The following WDPCP variants were observed in gnomAD, a reference collection of about 807,000 sequenced individuals.
The protein encoded by WDPCP is WD repeat-containing and planar cell polarity effector protein fritz homolog.
WDPCP carries 71 observed loss-of-function variants against 93.1 expected under a neutral mutation model. The observed-to-expected ratio is 0.76, with a 90% CI of 0.63 to 0.93. The LOEUF is 0.93. Ranked by LOEUF, WDPCP falls within the 40% of genes least tolerant of loss-of-function variation. The probability of loss-of-function intolerance (pLI) is 0.00; values close to 1 mark genes in which losing one functional copy is unlikely to be tolerated. For missense variants in WDPCP, 844 were observed against 887.4 expected, an observed-to-expected ratio of 0.95 and a Z score of 0.62; for synonymous variants, 315 against 315.0, an observed-to-expected ratio of 1.00 and a Z score of 0.00.
At chr2:63,183,490 A>T (rs1674397082) in intron 14 of WDPCP, among the ~76,000 whole-genome samples, 1 of 152,088 alleles carries the variant, frequency 6.6e-6, no homozygotes, top group South Asian at 2.1e-4. Context: ...GGTCTGAGAA[A>T]ATACTTGGTA....
chr2:63,797,887 A>G (rs1670639171), intron 2 of WDPCP, among the ~76,000 whole-genome samples: 1 of 152,132 alleles, frequency 6.6e-6, no homozygotes, highest in African/African-American at 2.4e-5. Context: ...TTAATACTCA[A>G]ACTGCCAAAG....
At chr2:63,180,731 T>A (rs1559179490) in intron 14 of WDPCP, among the ~76,000 whole-genome samples, 1 of 152,138 alleles carries the variant, frequency 6.6e-6, no homozygotes, top group Non-Finnish European at 1.5e-5. Flanking sequence ...GGCAGTTCTA[T>A]TTGCAGTTCT....
chr2:63,668,909 A>C (rs772582551), intron 2 of WDPCP, among the ~76,000 whole-genome samples: 5 of 152,188 alleles, frequency 3.3e-5, no homozygotes, highest in African/African-American at 4.8e-5. Flanking sequence ...AATTTTAGGG[A>C]CACTAAATTG....
At chr2:63,389,047 C>G (rs1692990110) in intron 10 of WDPCP, among the ~76,000 whole-genome samples, 2 of 151,978 alleles carry the variant, frequency 1.3e-5, no homozygotes, top group South Asian at 4.1e-4. Context: ...AAATACAGAA[C>G]ACACCACAAA....
intron 1 of WDPCP, among the ~76,000 whole-genome samples, chr2:63,552,205 T>C (rs1437454283): frequency 6.6e-6 from 1 of 150,614 alleles, no homozygotes; most frequent in East Asian, 1.9e-4. Flanking sequence ...CAATATTTAC[T>C]CTGTATTTGG....
intron 12 of WDPCP, among the ~76,000 whole-genome samples, chr2:63,364,197 C>T (rs901941524): frequency 1.2e-4 from 18 of 152,088 alleles, no homozygotes; most frequent in African/African-American, 4.3e-4. Flanking sequence ...TTACATTCAT[C>T]GTTAAGCAGT....
intron 6 of WDPCP, among the ~76,000 whole-genome samples, chr2:63,465,914 G>A (rs750415306): frequency 7.9e-5 from 12 of 152,096 alleles, no homozygotes; most frequent in South Asian, 2.1e-4. Context: ...TTGTATCTTC[G>A]ACAGTAGTCT....
chr2:63,694,530 G>C (rs773413845), intron 2 of WDPCP, among the ~76,000 whole-genome samples: 1 of 152,022 alleles, frequency 6.6e-6, no homozygotes, highest in Non-Finnish European at 1.5e-5. Context: ...TCACAATTTA[G>C]GAGCCTTTTC....
chr2:63,404,320 C>T lies in WDPCP; in HGVS notation c.1163G>A (p.Ser388Asn), dbSNP rs780625068. The T allele has an allele frequency of 1.2e-5, 19 of 1,614,034 alleles. No homozygotes were observed. The highest frequency in any genetic ancestry group is 1.0e-4 in the Admixed American group (6 of 59,984). ...GCTGCCAACTAGCAGAATGGCACCA[C>T]TTGGGTGGCAGCTTATTAATGAAGG... is the stretch of plus-strand genomic sequence containing the variant. ...LLPSLISCHP[S>N]GAILLVGSNQ... The change falls in exon 10 of 18, where the codon AGT becomes AAT. Residue 388 changes from serine (S) to asparagine (N), a missense_variant. Coordinates refer to ENST00000272321, the MANE Select transcript of WDPCP (RefSeq NM_015910.7).
intron 2 of WDPCP, chr2:63,717,215 C>T (rs767055366): frequency 1.0e-5 from 5 of 490,346 alleles, no homozygotes; most frequent in South Asian, 1.7e-5. Context: ...GCTTCCTCCA[C>T]GAATTTGAAA....
Position 63,740,655 on chromosome 2 carries a change from G to T in WDPCP, n.308+72967C>A, listed in dbSNP as rs996692953. On this transcript the variant is annotated intron_variant and non_coding_transcript_variant, in intron 2 of 4. Coordinates refer to the WDPCP transcript ENST00000467687. ...GTGTTTGCAGCTGTAATCTAAATGT[G>T]TAACCAACATTACTTTGCATTTGGT... 2.6e-5 allele frequency among the ~76,000 whole-genome samples: 4 copies of T among 152,124 alleles called. No homozygotes were observed. The East Asian group carries it at 7.7e-4, about 29-fold the overall frequency.
At position 63,257,996 on chromosome 2, in the gene WDPCP, G is replaced by A. The variant is rs547609666; in HGVS notation, c.1915+1311C>T. Reference sequence around the variant, plus strand: ...GGAGGATATTTCCCCATCATATAACGTCATCATTCCTATAAACATGGTATG... The same window carrying A: ...GGAGGATATTTCCCCATCATATAACATCATCATTCCTATAAACATGGTATG... On this transcript the variant is annotated intron_variant, in intron 14 of 17. Coordinates refer to ENST00000272321, the MANE Select transcript of WDPCP (RefSeq NM_015910.7). 2.0e-5 allele frequency among the ~76,000 whole-genome samples: 3 copies of A among 152,166 alleles called. No homozygotes were observed. The East Asian group carries it at 5.8e-4, about 29-fold the overall frequency.
chr2:63,250,995 A>G (rs1222984187), intron 14 of WDPCP, among the ~76,000 whole-genome samples: 1 of 152,168 alleles, frequency 6.6e-6, no homozygotes, highest in Non-Finnish European at 1.5e-5. Context: ...AGTTTATAGA[A>G]CTAAACGCCT....
intron 2 of WDPCP, among the ~76,000 whole-genome samples, chr2:63,781,013 G>T (rs1398718048): frequency 6.6e-6 from 1 of 152,150 alleles, no homozygotes; most frequent in Non-Finnish European, 1.5e-5. Flanking sequence ...AGCACAGTTA[G>T]AATTGAGCCA....
At chr2:63,507,171 T>C (rs191736088) in intron 1 of WDPCP, among the ~76,000 whole-genome samples, 2 of 151,940 alleles carry the variant, frequency 1.3e-5, no homozygotes, top group East Asian at 3.9e-4. Flanking sequence ...ATACAATGAA[T>C]TACAAAAGAT....
At chr2:63,351,641 G>T (rs1607206) in intron 12 of WDPCP, among the ~76,000 whole-genome samples, 121,842 of 152,156 alleles carry the variant, frequency 0.8, 49,651 homozygotes, top group East Asian at 0.96. Flanking sequence ...ATGGTATACA[G>T]GTACCACATT....
intron 3 of WDPCP, among the ~76,000 whole-genome samples, chr2:63,613,857 C>T (rs566980938): frequency 8.3e-4 from 127 of 152,278 alleles, no homozygotes; most frequent in South Asian, 1.5e-3. Context: ...AGGAAAACTT[C>T]TTTCAAAAGA....
At chr2:63,135,757 G>T (rs1670573142) in intron 17 of WDPCP, among the ~76,000 whole-genome samples, 1 of 149,040 alleles carries the variant, frequency 6.7e-6, no homozygotes. Context: ...TTTGAGACAG[G>T]GTCTCACTCT....
At chr2:63,751,975 C>A (rs561670377) in intron 2 of WDPCP, 1 of 632,480 alleles carries the variant, frequency 1.6e-6, no homozygotes, top group African/African-American at 1.8e-5. Flanking sequence ...ACTGAAGTTT[C>A]CTCCACAATC....
Sources: allele counts gnomAD v4.1 joint callset (sites outside exome capture counted in the v4.1 genomes callset), GRCh38; gene constraint gnomAD v4.1.1; transcripts MANE v1.5; gene names NCBI Gene and HGNC (gene_info 2026-07-23, HGNC 2026-07-21).